Variants in GPCPD1 observed in about 807,000 individuals in gnomAD.
GPCPD1 encodes glycerophosphocholine phosphodiesterase 1, also known as glycerophosphocholine phosphodiesterase GPCPD1.
In GPCPD1, 29 loss-of-function variants were observed where a neutral mutation model predicts 89.2. The observed-to-expected ratio is 0.33, with a 90% CI of 0.24 to 0.44. GPCPD1 has a LOEUF of 0.44. GPCPD1 is among the 20% of genes least tolerant of loss of function. GPCPD1 has a pLI of 1.00. For missense variants in GPCPD1, 594 were observed against 808.9 expected (o/e 0.73, Z 3.22); for synonymous variants, 258 against 266.3 (o/e 0.97, Z 0.30).
chr20:5,560,038 G>C lies in GPCPD1; in HGVS notation c.1434C>G (p.Asp478Glu). ...MWDGNLSTYF[D>E]MNLFLDIILK... ...AAATTATATCCAAAAACAGATTCAT[G>C]TCAAAATATGTTGATAAGTTACCAT... The change falls in exon 17 of 20, where the codon GAC (aspartate) becomes GAG (glutamate). Residue 478 changes from aspartate to glutamate, a missense_variant. Coordinates refer to ENST00000379019, the MANE Select transcript of GPCPD1 (RefSeq NM_019593.5). The C allele has an allele frequency of 6.3e-7, 1 of 1,581,126 alleles. No individual in the cohort carries two copies. Among genetic ancestry groups the C allele is most frequent in the Admixed American group, 1.8e-5 (1 of 55,366 alleles).
chr20:5,595,951 T>A (rs912093892), intron 3 of GPCPD1, among the ~76,000 whole-genome samples: 6 of 152,002 alleles, frequency 3.9e-5, no homozygotes, highest in African/African-American at 1.5e-4. Flanking sequence ...TATTTCTCAA[T>A]CTCCAGGAGC....
chr20:5,558,890 A>G, intron 17 of GPCPD1, 71 bp from the exon 18 acceptor site: 2 of 1,138,694 alleles, frequency 1.8e-6, no homozygotes, highest in Non-Finnish European at 2.5e-6. Flanking sequence ...GGAATTTTAG[A>G]AAACACTGAA....
chr20:5,572,634 A>T (rs1336355576), intron 11 of GPCPD1, among the ~76,000 whole-genome samples: 1 of 152,218 alleles, frequency 6.6e-6, no homozygotes, highest in Non-Finnish European at 1.5e-5. Flanking sequence ...AAAAAGTGGA[A>T]ATTAAAAAAT....
intron 12 of GPCPD1, among the ~76,000 whole-genome samples, chr20:5,568,123 T>C (rs1986495403): frequency 6.6e-6 from 1 of 151,466 alleles, no homozygotes; most frequent in African/African-American, 2.4e-5. Flanking sequence ...TCTGTTGTAT[T>C]AGGTTTTAAT....
chr20:5,548,310 T>C (rs1229952855), intron 19 of GPCPD1: 1 of 152,330 alleles, frequency 6.6e-6, no homozygotes, highest in Non-Finnish European at 1.5e-5. Context: ...ACGTCCAGAG[T>C]GGAGAACTCT....
chr20:5,608,953 T>C (rs1336202006), intron 1 of GPCPD1, among the ~76,000 whole-genome samples: 1 of 152,194 alleles, frequency 6.6e-6, no homozygotes, highest in East Asian at 1.9e-4. Flanking sequence ...TTTAAAAAAT[T>C]TCAGAGTTCA....
At chr20:5,596,732 G>A (rs1191691985) in intron 3 of GPCPD1, among the ~76,000 whole-genome samples, 3 of 152,100 alleles carry the variant, frequency 2.0e-5, no homozygotes, top group Non-Finnish European at 4.4e-5. Context: ...TGAAAGACAG[G>A]GGCACAGCAG....
At position 5,580,136 on chromosome 20, in the gene GPCPD1, CAG is replaced by C. The variant is rs1256708421; in HGVS notation, c.350-7_350-6del. On this transcript the variant is annotated splice_region_variant and splice_polypyrimidine_tract_variant and intron_variant, in intron 6 of 19. Coordinates refer to ENST00000379019, the MANE Select transcript of GPCPD1 (RefSeq NM_019593.5). ...AATCCAGAGTTTCAACACCATCTGA[CAG>C]AATAAATATGAAGAACAGTAATTAT... 3 of 1,417,014 alleles carry C rather than the reference CAG, an allele frequency of 2.1e-6. No individual in the cohort carries two copies. The highest frequency in any genetic ancestry group is 3.0e-6 in the Non-Finnish European group (3 of 1,012,030). The allele number at this position is 1,417,014 out of a possible 1,614,324, so 87.8% of individuals were successfully genotyped here.
intron 19 of GPCPD1, among the ~76,000 whole-genome samples, chr20:5,554,683 T>C (rs1351112403): frequency 6.6e-6 from 1 of 152,242 alleles, no homozygotes; most frequent in Non-Finnish European, 1.5e-5. Context: ...GCTGCTTTCA[T>C]ACCTGTTAAC....
intron 11 of GPCPD1, among the ~76,000 whole-genome samples, chr20:5,572,920 G>A (rs1419142359): frequency 6.6e-6 from 1 of 152,050 alleles, no homozygotes; most frequent in African/African-American, 2.4e-5. Context: ...CACCCAGGCT[G>A]GAGTGCACTG....
intron 3 of GPCPD1, among the ~76,000 whole-genome samples, chr20:5,594,230 T>C (rs1979537633): frequency 6.6e-6 from 1 of 152,120 alleles, no homozygotes; most frequent in Admixed American, 6.5e-5. Context: ...CTACCCAGAC[T>C]TATTGAATTA....
intron 19 of GPCPD1, among the ~76,000 whole-genome samples, chr20:5,557,286 C>T (rs935278102): frequency 4.6e-5 from 7 of 152,138 alleles, no homozygotes; most frequent in Non-Finnish European, 8.8e-5. Context: ...ACAGCCTGAC[C>T]GTTAAGGGTA....
chr20:5,565,133 A>T lies in GPCPD1; in HGVS notation c.1268-55T>A, dbSNP rs1986314520. 2.2e-6 allele frequency: 2 copies of T among 888,960 alleles called. 1 individual carries two copies. The highest frequency in any genetic ancestry group is 4.8e-5 in the East Asian group (2 of 41,562). 55.1% of individuals were successfully genotyped at this position (888,960 alleles called of 1,614,324 possible). A position where few individuals can be genotyped will look rare whatever the true frequency, so the allele number is the denominator to read the frequency against. ...AATAAAATGCCACTATATCACTAAG[A>T]GCTTTCTTAAATCCTTAGTGCCAAA... On this transcript the variant is annotated intron_variant, in intron 14 of 19. Transcript: ENST00000379019.
rs777742989 is a variant in GPCPD1, at chr20:5,604,401, A to G, written c.12T>C (p.Ser4=). Residue 4 remains serine, a synonymous_variant, in exon 2 of 20, where the codon TCT becomes TCC. Transcript: ENST00000379019. ...TTCCTCTTATTTCAAAGGCAACCTG[A>G]GAAGGTGTCATTCTGATGGATTTAT... The part of the protein sequence containing the change: MTP[S]QVAFEIRGTL... The G allele has an allele frequency of 3.2e-6, 5 of 1,566,152 alleles. No homozygotes were observed. The East Asian group carries it at 6.7e-5, about 21-fold the overall frequency.
Position 5,575,900 on chromosome 20 carries a change from T to C in GPCPD1, c.784A>G (p.Ile262Val), listed in dbSNP as rs762342727. ...VGTACLLSST[I>V]AESGKSAGIL... ...CCAGCACTCTTTCCACTCTCAGCAA[T>C]GGTGGATGATAAGAGACAAGCTGTA... Residue 262 changes from isoleucine (I) to valine (V), a missense_variant, in exon 9 of 20, where the codon ATT becomes GTT. Transcript: ENST00000379019. The C allele has an allele frequency of 1.2e-6, 2 of 1,602,292 alleles. No individual in the cohort carries two copies. The highest frequency in any genetic ancestry group is 8.6e-7 in the Non-Finnish European group (1 of 1,169,382).
intron 12 of GPCPD1, among the ~76,000 whole-genome samples, chr20:5,568,992 T>C (rs182390371): frequency 1.3e-3 from 202 of 152,246 alleles, no homozygotes; most frequent in Non-Finnish European, 9.0e-4. Flanking sequence ...CTCTTTCTCA[T>C]TTATCTTTTC....
At chr20:5,552,720 T>C (rs1985498046) in intron 19 of GPCPD1, among the ~76,000 whole-genome samples, 1 of 152,206 alleles carries the variant, frequency 6.6e-6, no homozygotes, top group African/African-American at 2.4e-5. Context: ...TCATGCAAAA[T>C]TAACCAAATA....
chr20:5,554,244 A>T (rs895465412), intron 19 of GPCPD1, among the ~76,000 whole-genome samples: 2 of 87,302 alleles, frequency 2.3e-5, no homozygotes, highest in South Asian at 6.7e-4. Context: ...TCGGCCTCCC[A>T]GAGTGCTGGG....
At chr20:5,604,321 CTAATT>C (rs1164045826) in intron 2 of GPCPD1, 38 bp downstream of exon 2, 1 of 970,658 alleles carries the variant, frequency 1.0e-6, no homozygotes, top group South Asian at 1.4e-5. Context: ...AAGAAACATG[CTAATT>C]TAATTTTAAT....
Sources: gnomAD v4.1 joint callset for allele counts (sites outside exome capture counted in the v4.1 genomes callset) on GRCh38, gnomAD v4.1.1 for gene constraint, MANE v1.5 for transcripts, NCBI Gene and HGNC (gene_info 2026-07-23, HGNC 2026-07-21) for gene names.